Variants in SLCO2A1 observed in about 807,000 individuals in gnomAD.
SLCO2A1 encodes solute carrier organic anion transporter family member 2A1, also known as matrin F/G 1.
Under a neutral mutation model 71.7 loss-of-function variants are expected in SLCO2A1, and 60 were observed. The ratio of observed to expected loss-of-function variants is 0.84; its 90% confidence interval spans 0.68 to 1.04. The LOEUF is 1.04. Ranked by LOEUF, SLCO2A1 falls within the 50% of genes least tolerant of loss-of-function variation. The pLI is 0.00. For synonymous variants in SLCO2A1, 308 were observed against 326.7 expected, an observed-to-expected ratio of 0.94 and a Z score of 0.62; for missense variants, 745 against 813.4, an observed-to-expected ratio of 0.92 and a Z score of 1.02.
chr3:133,948,944 T>C lies in SLCO2A1; in HGVS notation c.889A>G (p.Arg297Gly), dbSNP rs1478243307. The stretch of plus-strand genomic sequence containing the variant: ...CTTGACTTGGCCTCCTCCAACTTCC[T>C]TGCTTCATCTGCTGTGGCAGGAGCC... Reference protein sequence around the residue: ...KRAPATADEARKLEEAKSRGS... With the variant: ...KRAPATADEAGKLEEAKSRGS... The change falls in exon 7 of 14, where the codon AGG (arginine) becomes GGG (glycine). Residue 297 changes from arginine to glycine, a missense_variant. Arg to Gly is a moderately radical substitution (Grantham distance 125). Transcript: ENST00000310926. 6.2e-7 allele frequency: 1 copy of C among 1,614,024 alleles called. No individual in the cohort carries two copies. The highest frequency in any genetic ancestry group is 8.5e-7 in the Non-Finnish European group (1 of 1,180,002).
intron 3 of SLCO2A1, among the ~76,000 whole-genome samples, chr3:133,963,959 T>C (rs1412797482): frequency 1.3e-5 from 2 of 152,222 alleles, no homozygotes; most frequent in African/African-American, 4.8e-5. Flanking sequence ...ATTGGGTTGT[T>C]TGCAAATCAG....
rs548420131 is a variant in SLCO2A1, at chr3:133,985,590, G to A, written c.97-5972C>T. Among the ~76,000 whole-genome samples, 17 of 152,152 alleles carry A rather than the reference G, an allele frequency of 1.1e-4. No individual in the cohort carries two copies. In the South Asian group the frequency reaches 3.3e-3, roughly 30 times the overall value. ...TCGACTTTTTTTCTTTTCTCGGCAT[G>A]TATTGCTTCCCCAAATTACATCATG... On this transcript the variant is annotated intron_variant, in intron 1 of 13. Coordinates refer to ENST00000310926, the MANE Select transcript of SLCO2A1 (RefSeq NM_005630.3).
At position 133,936,051 on chromosome 3, in the gene SLCO2A1, C is replaced by G. The variant is rs561633865; in HGVS notation, c.1691-154G>C. Among the ~76,000 whole-genome samples the G allele has an allele frequency of 2.0e-5, 3 of 152,356 alleles. No homozygotes were observed. In the South Asian group the frequency reaches 6.2e-4, roughly 32 times the overall value. The stretch of plus-strand genomic sequence containing the variant: ...ACAGTGACTCTGGAAAGCAGAATAG[C>G]TTTCAGTGAAGCCTGAATTTCTCTT... On this transcript the variant is annotated intron_variant, in intron 12 of 13. Transcript: ENST00000310926.
chr3:133,955,245 C>T (rs748065972), intron 3 of SLCO2A1, 52 bp from the exon 4 acceptor site: 12 of 1,514,122 alleles, frequency 7.9e-6, no homozygotes, highest in African/African-American at 2.8e-5. Context: ...CTGGTTCCAC[C>T]GGCTGGCCTC....
intron 6 of SLCO2A1, among the ~76,000 whole-genome samples, chr3:133,949,988 G>C (rs4605546): frequency 0.39 from 59,896 of 151,740 alleles, 12,151 homozygotes; most frequent in African/African-American, 0.47. Flanking sequence ...ACACCATGCT[G>C]AGCTAAGTTT....
At chr3:133,965,576 C>T (rs759740052) in intron 3 of SLCO2A1, among the ~76,000 whole-genome samples, 3 of 152,068 alleles carry the variant, frequency 2.0e-5, no homozygotes, top group Non-Finnish European at 2.9e-5. Context: ...ATGATTCCTA[C>T]AGGGAGAAAA....
chr3:133,953,214 T>G (rs1159947959), intron 5 of SLCO2A1, among the ~76,000 whole-genome samples: 2 of 152,156 alleles, frequency 1.3e-5, no homozygotes, highest in African/African-American at 2.4e-5. Context: ...TTTTTTTGTA[T>G]TTTTAGTAGA....
intron 1 of SLCO2A1, among the ~76,000 whole-genome samples, chr3:134,002,342 A>C (rs1935122652): frequency 1.3e-5 from 2 of 152,170 alleles, no homozygotes; most frequent in Admixed American, 1.3e-4. Flanking sequence ...CACAGCCCTC[A>C]GTTTTTGCCC....
intron 1 of SLCO2A1, among the ~76,000 whole-genome samples, chr3:133,999,480 G>A (rs1307736028): frequency 1.2e-4 from 17 of 138,330 alleles, no homozygotes; most frequent in Non-Finnish European, 2.2e-4. Flanking sequence ...ACCAAGGGCC[G>A]AGCAGGGCTG....
chr3:133,953,649 C>T lies in SLCO2A1; in HGVS notation c.724+14G>A, dbSNP rs766262773. The stretch of plus-strand genomic sequence containing the variant: ...AGCTGGGGATGGGAATGGGTGTCCT[C>T]TGCACATACTCACCTGTGTTGACCC... On this transcript the variant is annotated intron_variant, in intron 5 of 13. Coordinates refer to ENST00000310926, the MANE Select transcript of SLCO2A1 (RefSeq NM_005630.3). The T allele has an allele frequency of 1.6e-5, 25 of 1,608,002 alleles. No homozygotes were observed. The highest frequency in any genetic ancestry group is 2.1e-5 in the Non-Finnish European group (25 of 1,174,596).
At chr3:133,953,433 G>T (rs779117535) in intron 5 of SLCO2A1, among the ~76,000 whole-genome samples, 2 of 152,252 alleles carry the variant, frequency 1.3e-5, no homozygotes, top group Non-Finnish European at 2.9e-5. Context: ...CAGAAAGTGA[G>T]TTTGCTTCAG....
intron 1 of SLCO2A1, among the ~76,000 whole-genome samples, chr3:133,982,740 A>T (rs775734512): frequency 4.0e-5 from 6 of 151,726 alleles, no homozygotes. Flanking sequence ...CCCTCCTCAG[A>T]TCACTGCAAC....
At chr3:133,958,471 T>C (rs1576434346) in intron 3 of SLCO2A1, among the ~76,000 whole-genome samples, 1 of 152,328 alleles carries the variant, frequency 6.6e-6, no homozygotes, top group East Asian at 1.9e-4. Context: ...GCACAGGCTA[T>C]GCTGGTCTTT....
In SLCO2A1 at chr3:133,966,213, A is replaced by T. The variant is rs144772785; in HGVS notation, c.397+7450T>A. On this transcript the variant is annotated intron_variant, in intron 3 of 13. Coordinates refer to ENST00000310926, the MANE Select transcript of SLCO2A1 (RefSeq NM_005630.3). ...ACTTGCTTATCTATTGGGAAGGGGA[A>T]CTTTTGTGCCACTACAGCAAAGTTG... Among the ~76,000 whole-genome samples the T allele has an allele frequency of 5.6e-3, 849 of 152,316 alleles. 9 individuals carry two copies. The highest frequency in any genetic ancestry group is 0.019 in the African/African-American group (794 of 41,562).
chr3:134,026,414 T>C (rs1345547449), intron 1 of SLCO2A1, among the ~76,000 whole-genome samples: 5 of 151,846 alleles, frequency 3.3e-5, no homozygotes, highest in Non-Finnish European at 7.4e-5. Context: ...AGTTTTGTTA[T>C]TGGCACTATT....
rs919795614 is a variant in SLCO2A1 at position 133,933,728 on chromosome 3, C to T, written c.*985G>A. The T allele has an allele frequency of 6.6e-6, 1 of 152,274 alleles. No homozygotes were observed. The highest frequency in any genetic ancestry group is 2.4e-5 in the African/African-American group (1 of 41,462). The allele number at this position is 152,274 out of a possible 1,614,324, so 9.4% of individuals were successfully genotyped here. A position where few individuals can be genotyped will look rare whatever the true frequency, so the allele number is the denominator to read the frequency against. On this transcript the variant is annotated 3_prime_UTR_variant, in exon 14 of 14. Transcript: ENST00000310926. ...GCTTCATCACTTGCTTTGCTGACAT[C>T]TCTTCTGCCTCTCTACTCCTCGGAA...
intron 1 of SLCO2A1, among the ~76,000 whole-genome samples, chr3:134,027,723 T>C (rs1045378355): frequency 6.6e-5 from 10 of 152,210 alleles, no homozygotes; most frequent in Non-Finnish European, 1.3e-4. Context: ...AGCACTCTCA[T>C]TGGGAGGAAA....
intron 1 of SLCO2A1, among the ~76,000 whole-genome samples, chr3:134,006,456 C>T (rs961781507): frequency 5.9e-5 from 9 of 152,160 alleles, no homozygotes; most frequent in African/African-American, 1.7e-4. Flanking sequence ...ACTCTATACC[C>T]CTTGAACAAT....
At chr3:133,957,274 C>G (rs1355671997) in intron 3 of SLCO2A1, among the ~76,000 whole-genome samples, 1 of 152,178 alleles carries the variant, frequency 6.6e-6, no homozygotes, top group Non-Finnish European at 1.5e-5. Context: ...ACCTCTCCCC[C>G]GTGGAGTGTT....
Sources: allele counts gnomAD v4.1 joint callset (sites outside exome capture counted in the v4.1 genomes callset), GRCh38; gene constraint gnomAD v4.1.1; transcripts MANE v1.5; gene names NCBI Gene and HGNC (gene_info 2026-07-23, HGNC 2026-07-21).